The following MYNN variants were observed in gnomAD, a reference collection of about 807,000 sequenced individuals.
The protein encoded by MYNN is myoneurin.
Under a neutral mutation model 57.2 loss-of-function variants are expected in MYNN, and 22 were observed. The ratio of observed to expected loss-of-function variants is 0.38; its 90% CI spans 0.27 to 0.55. The LOEUF is 0.55. Ranked by LOEUF, MYNN falls within the 20% of genes least tolerant of loss-of-function variation. MYNN has a pLI of 0.71. For missense variants in MYNN, 566 were observed against 723.1 expected, an observed-to-expected ratio of 0.78 and a Z score of 2.49; for synonymous variants, 241 against 257.1, an observed-to-expected ratio of 0.94 and a Z score of 0.60.
At chr3:169,779,776 C>T in intron 3 of MYNN, 1 of 528,862 alleles carries the variant, frequency 1.9e-6, no homozygotes, top group East Asian at 3.0e-5. Flanking sequence ...ACTCCTTATA[C>T]CATTTTCCCT....
chr3:169,785,483 AT>A (rs1778651317), intron 7 of MYNN, among the ~76,000 whole-genome samples: 2 of 152,026 alleles, frequency 1.3e-5, no homozygotes, highest in Non-Finnish European at 2.9e-5. Context: ...AATAAACTAA[AT>A]AAATAGGGAA....
rs886272099 is a variant in MYNN, at chr3:169,787,317, A to T, written c.*639A>T. ...GAACTGAGTATTCTGGAGAAAACCAATGGTCAGCACTTTTGGTTTGAGTTA... is the reference window on the plus strand; with the variant it reads ...GAACTGAGTATTCTGGAGAAAACCATTGGTCAGCACTTTTGGTTTGAGTTA... On this transcript the variant is annotated 3_prime_UTR_variant, in exon 8 of 8. Coordinates refer to ENST00000349841, the MANE Select transcript of MYNN (RefSeq NM_018657.5). The T allele has an allele frequency of 1.3e-5, 2 of 152,102 alleles. No homozygotes were observed. The highest frequency in any genetic ancestry group is 4.8e-5 in the African/African-American group (2 of 41,458). 9.4% of individuals were successfully genotyped at this position (152,102 alleles called of 1,614,324 possible).
rs974111190 is a variant in MYNN at position 169,779,361 on chromosome 3, A to C, written c.860A>C (p.Glu287Ala). Reference protein sequence around the residue: ...IASVKSPYEAENSGEELDQRY... With the variant: ...IASVKSPYEAANSGEELDQRY... The stretch of plus-strand genomic sequence containing the variant: ...AGCGTCAAGAGTCCTTATGAGGCGG[A>C]GAACTCCGGGGAAGAGCTGGATCAG... Residue 287 changes from glutamate (E) to alanine (A), a missense_variant, in exon 3 of 8, where the codon GAG becomes GCG. By Grantham distance (107) the Glu-to-Ala change is moderately radical. Transcript: ENST00000349841. The C allele has an allele frequency of 6.2e-7, 1 of 1,614,122 alleles. No individual in the cohort carries two copies. Among genetic ancestry groups the C allele is most frequent in the Non-Finnish European group, 8.5e-7 (1 of 1,180,062 alleles).
intron 7 of MYNN, among the ~76,000 whole-genome samples, chr3:169,785,071 G>A (rs1027388786): frequency 2.6e-3 from 179 of 68,364 alleles, no homozygotes; most frequent in African/African-American, 8.4e-3. Flanking sequence ...TGAAAAAAAA[G>A]GGGGGGGGGG....
intron 7 of MYNN, among the ~76,000 whole-genome samples, chr3:169,785,072 G>T (rs951831384): frequency 7.7e-6 from 1 of 129,720 alleles, no homozygotes; most frequent in East Asian, 2.2e-4. Context: ...GAAAAAAAAG[G>T]GGGGGGGGGT....
At chr3:169,775,145 G>T (rs1259717900) in intron 2 of MYNN, among the ~76,000 whole-genome samples, 1 of 152,074 alleles carries the variant, frequency 6.6e-6, no homozygotes, top group Admixed American at 6.6e-5. Context: ...TCTGACTCCT[G>T]TTATCTCTAT....
rs1012151623 is a variant in MYNN, at chr3:169,787,837, C to G, written c.*1159C>G. 1 of 152,064 alleles carries G rather than the reference C, an allele frequency of 6.6e-6. No individual in the cohort carries two copies. Among genetic ancestry groups the G allele is most frequent in the African/African-American group, 2.4e-5 (1 of 41,422 alleles). The allele number at this position is 152,064 out of a possible 1,614,324, so 9.4% of individuals were successfully genotyped here. ...ATTCGTTATTATCCTGATATTTGCA[C>G]CACTCATCCCCATGCCACTTTTCCC... On this transcript the variant is annotated 3_prime_UTR_variant, in exon 8 of 8. Coordinates refer to ENST00000349841, the MANE Select transcript of MYNN (RefSeq NM_018657.5).
chr3:169,782,360 C>A lies in MYNN; in HGVS notation c.1221-105C>A. 3 of 866,428 alleles carry A rather than the reference C, an allele frequency of 3.5e-6. No individual in the cohort carries two copies. Among genetic ancestry groups the A allele is most frequent in the South Asian group, 2.1e-5 (1 of 48,610 alleles). 53.7% of individuals were successfully genotyped at this position (866,428 alleles called of 1,614,324 possible). ...ACTGATTTTAAATACATAGTCTTGG[C>A]CTGTTAAGATGACATGAAATAAAAT... On this transcript the variant is annotated intron_variant, in intron 4 of 7. Transcript: ENST00000349841. The surrounding 1 kb of genome is among the most constrained non-coding windows in gnomAD (Gnocchi z 4.8).
Position 169,773,411 on chromosome 3 carries a change from A to G in MYNN, c.-83A>G, listed in dbSNP as rs1214528313. 1 of 152,364 alleles carries G rather than the reference A, an allele frequency of 6.6e-6. No individual in the cohort carries two copies. Among genetic ancestry groups the G allele is most frequent in the East Asian group, 1.9e-4 (1 of 5,204 alleles). 9.4% of individuals were successfully genotyped at this position (152,364 alleles called of 1,614,324 possible). A position where few individuals can be genotyped will look rare whatever the true frequency, so the allele number is the denominator to read the frequency against. On this transcript the variant is annotated 5_prime_UTR_variant, in exon 1 of 8. Transcript: ENST00000349841. Reference sequence around the variant, plus strand: ...AGCGTGGCTCGGTGACGTCCTCCCAAGATGGCGGAGACAGAGTGAAGAAAC... The same window carrying G: ...AGCGTGGCTCGGTGACGTCCTCCCAGGATGGCGGAGACAGAGTGAAGAAAC...
Position 169,783,901 on chromosome 3 carries a change from T to C in MYNN, c.1483+341T>C. 3 of 281,592 alleles carry C rather than the reference T, an allele frequency of 1.1e-5. No homozygotes were observed. In the Middle Eastern group the frequency reaches 1.3e-3, roughly 122 times the overall value. The allele number at this position is 281,592 out of a possible 1,614,324, so 17.4% of individuals were successfully genotyped here. A position where few individuals can be genotyped will look rare whatever the true frequency, so the allele number is the denominator to read the frequency against. On this transcript the variant is annotated intron_variant, in intron 6 of 7. Coordinates refer to ENST00000349841, the MANE Select transcript of MYNN (RefSeq NM_018657.5). Reference sequence around the variant, plus strand: ...TCAGATTTTCTTACTAAACAGTGTTTAGTATGCAATTTTTAGGAACAAATT... The same window carrying C: ...TCAGATTTTCTTACTAAACAGTGTTCAGTATGCAATTTTTAGGAACAAATT...
rs1778757343 is a variant in MYNN, at chr3:169,789,261, A to G, written c.*2583A>G. 1.3e-5 allele frequency: 2 copies of G among 152,202 alleles called. No individual in the cohort carries two copies. Among genetic ancestry groups the G allele is most frequent in the Admixed American group, 6.5e-5 (1 of 15,280 alleles). The allele number at this position is 152,202 out of a possible 1,614,324, so 9.4% of individuals were successfully genotyped here. A position where few individuals can be genotyped will look rare whatever the true frequency, so the allele number is the denominator to read the frequency against. On this transcript the variant is annotated 3_prime_UTR_variant, in exon 8 of 8. Transcript: ENST00000349841. ...ACCTTTTTTCAAAGGTAATGGTTCT[A>G]TCAGTTTCATTCCAACAGTAGCTAA...
chr3:169,784,742 G>T, intron 7 of MYNN, 34 bp downstream of exon 7: 1 of 1,400,534 alleles, frequency 7.1e-7, no homozygotes, highest in Non-Finnish European at 9.9e-7. Context: ...TTGTTTGTTT[G>T]TTTTAATTTG....
chr3:169,779,677 C>A, intron 3 of MYNN, 116 bp downstream of exon 3: 1 of 1,064,160 alleles, frequency 9.4e-7, no homozygotes, highest in Non-Finnish European at 1.3e-6. Context: ...TTTTTCTATT[C>A]ATCAAAGTAT....
intron 4 of MYNN, among the ~76,000 whole-genome samples, chr3:169,781,576 G>A (rs1319112972): frequency 6.6e-6 from 1 of 152,182 alleles, no homozygotes; most frequent in Non-Finnish European, 1.5e-5. Context: ...TATGAGTTCT[G>A]AGAGATGGGT....
chr3:169,777,445 A>G (rs1778381556), intron 2 of MYNN: 1 of 152,114 alleles, frequency 6.6e-6, no homozygotes, highest in South Asian at 2.1e-4. Flanking sequence ...TATTTAGGGA[A>G]AAAAATCAAG....
At chr3:169,785,733 A>G (rs997153535) in intron 7 of MYNN, among the ~76,000 whole-genome samples, 2 of 152,206 alleles carry the variant, frequency 1.3e-5, no homozygotes, top group African/African-American at 4.8e-5. Context: ...CAATTTTACG[A>G]AAGCAGTTTT....
At chr3:169,783,208 A>G (rs1469731725) in intron 5 of MYNN, among the ~76,000 whole-genome samples, 1 of 152,122 alleles carries the variant, frequency 6.6e-6, no homozygotes, top group Non-Finnish European at 1.5e-5. Flanking sequence ...CATGTTCTTA[A>G]TCATATAAAA....
chr3:169,784,529 TAA>T, intron 6 of MYNN, 91 bp from the exon 7 acceptor site: 2 of 769,876 alleles, frequency 2.6e-6, no homozygotes, highest in South Asian at 1.6e-5. Flanking sequence ...AACACTATAA[TAA>T]TTTTTGCCTT....
In MYNN at chr3:169,774,446, GC is replaced by G; in HGVS notation, c.152del (p.Ala51GlyfsTer18). The G allele has an allele frequency of 1.2e-6, 2 of 1,614,142 alleles. No homozygotes were observed. The highest frequency in any genetic ancestry group is 4.5e-5 in the East Asian group (2 of 44,872). On this transcript the variant is annotated frameshift_variant, in exon 2 of 8. Coordinates refer to ENST00000349841, the MANE Select transcript of MYNN (RefSeq NM_018657.5). LOFTEE classifies it high-confidence loss of function. ...VLASFSEYFG[A>X]IYRSTSENNV... ...GGCCTCCTTTAGTGAGTATTTTGGT[GC>G]GATCTACAGAAGCACTTCTGAGAAC...
Sources: gnomAD v4.1 joint callset for allele counts (sites outside exome capture counted in the v4.1 genomes callset) on GRCh38, gnomAD v4.1.1 for gene constraint, Gnocchi (gnomAD v3.1) non-coding constraint, MANE v1.5 for transcripts, NCBI Gene and HGNC (gene_info 2026-07-23, HGNC 2026-07-21) for gene names.